L3MBTL4: variants seen among roughly 807,000 people sequenced by gnomAD.
L3MBTL4 encodes L3MBTL histone methyl-lysine binding protein 4.
A neutral mutation model predicts 84.5 loss-of-function variants in L3MBTL4; 70 were observed. The observed-to-expected ratio is 0.83, with a 90% CI of 0.68 to 1.01. The LOEUF (loss-of-function observed/expected upper bound fraction) is 1.01, where lower values mean the gene tolerates loss of function less well. Among genes scored for constraint, L3MBTL4 ranks in the 50% least tolerant of loss-of-function variants. The pLI is 0.00. For synonymous variants in L3MBTL4, 274 were observed against 259.8 expected (o/e 1.05, Z -0.52); for missense variants, 715 against 754.8 (o/e 0.95, Z 0.62).
chr18:6,046,063 A>G (rs572959052), intron 16 of L3MBTL4, among the ~76,000 whole-genome samples: 15 of 152,292 alleles, frequency 9.8e-5, no homozygotes, highest in African/African-American at 3.6e-4. Context: ...CAAGCAGGAA[A>G]CAAAAATAAT....
chr18:6,047,856 G>T (rs146037255), intron 16 of L3MBTL4, among the ~76,000 whole-genome samples: 8 of 152,292 alleles, frequency 5.3e-5, no homozygotes, highest in African/African-American at 1.7e-4. Context: ...AGGCAAAGAT[G>T]CCCACTCTCA....
At chr18:6,188,733 C>T (rs893695203) in intron 12 of L3MBTL4, among the ~76,000 whole-genome samples, 6 of 152,166 alleles carry the variant, frequency 3.9e-5, no homozygotes, top group Non-Finnish European at 5.9e-5. Context: ...CTGCCGAAAC[C>T]CCAGACCCTG....
At chr18:6,324,332 GAGA>G (rs2051597386) in intron 1 of L3MBTL4, among the ~76,000 whole-genome samples, 2 of 152,230 alleles carry the variant, frequency 1.3e-5, no homozygotes, top group Non-Finnish European at 2.9e-5. Flanking sequence ...GTGGAGCTAT[GAGA>G]AGAAGGCCAC....
chr18:6,244,631 C>T (rs759890042), intron 5 of L3MBTL4, 43 bp from the exon 6 acceptor site: 7 of 1,329,104 alleles, frequency 5.3e-6, no homozygotes, highest in Non-Finnish European at 7.6e-6. Flanking sequence ...GAGATTTCAT[C>T]ACAGTTTTAT....
intron 1 of L3MBTL4, among the ~76,000 whole-genome samples, chr18:6,376,561 C>T (rs1390304455): frequency 6.6e-6 from 1 of 151,868 alleles, no homozygotes; most frequent in African/African-American, 2.4e-5. Context: ...CTGGGGAGAC[C>T]CCATCTGTAC....
At chr18:6,179,371 AGAG>A (rs1445809534) in intron 12 of L3MBTL4, among the ~76,000 whole-genome samples, 1 of 152,164 alleles carries the variant, frequency 6.6e-6, no homozygotes, top group Non-Finnish European at 1.5e-5. Flanking sequence ...TTCATTCTAG[AGAG>A]GAGAACTGGG....
chr18:6,069,663 C>T (rs1355111797), intron 16 of L3MBTL4, among the ~76,000 whole-genome samples: 2 of 152,104 alleles, frequency 1.3e-5, no homozygotes, highest in African/African-American at 4.8e-5. Flanking sequence ...ACTGCCTCTT[C>T]TGCACAGAAG....
intron 13 of L3MBTL4, among the ~76,000 whole-genome samples, chr18:6,170,206 G>A (rs925518882): frequency 1.2e-4 from 19 of 152,074 alleles, no homozygotes; most frequent in African/African-American, 4.3e-4. Flanking sequence ...TTAACCACTA[G>A]TCTATACTGC....
At chr18:5,995,086 A>G (rs1182966331) in intron 16 of L3MBTL4, among the ~76,000 whole-genome samples, 1 of 152,276 alleles carries the variant, frequency 6.6e-6, no homozygotes, top group Non-Finnish European at 1.5e-5. Context: ...GAAAACAGAC[A>G]CACTCATAGC....
At chr18:6,236,854 A>C (rs2047236838) in intron 10 of L3MBTL4, among the ~76,000 whole-genome samples, 1 of 152,180 alleles carries the variant, frequency 6.6e-6, no homozygotes, top group Admixed American at 6.5e-5. Context: ...ATTTGATGAG[A>C]AGTCCTAATA....
chr18:6,073,059 AAAC>A (rs2057741050), intron 16 of L3MBTL4, among the ~76,000 whole-genome samples: 1 of 150,486 alleles, frequency 6.6e-6, no homozygotes, highest in South Asian at 2.1e-4. Context: ...ATAACAGAGA[AAAC>A]AAATGCACAC....
intron 17 of L3MBTL4, among the ~76,000 whole-genome samples, chr18:5,968,427 G>A (rs1486979630): frequency 6.6e-6 from 1 of 152,142 alleles, no homozygotes; most frequent in Non-Finnish European, 1.5e-5. Context: ...GCTAGGCAAG[G>A]TGGCTCCTGC....
At chr18:6,044,550 C>T (rs2056536029) in intron 16 of L3MBTL4, among the ~76,000 whole-genome samples, 1 of 152,134 alleles carries the variant, frequency 6.6e-6, no homozygotes, top group African/African-American at 2.4e-5. Flanking sequence ...GGTGTTGGTG[C>T]CAGTAGCCAG....
chr18:6,330,685 T>C (rs1311465022), intron 1 of L3MBTL4, among the ~76,000 whole-genome samples: 1 of 152,252 alleles, frequency 6.6e-6, no homozygotes, highest in Non-Finnish European at 1.5e-5. Flanking sequence ...ATCGACATCT[T>C]TGAGGGTCAA....
intron 12 of L3MBTL4, among the ~76,000 whole-genome samples, chr18:6,173,235 C>A (rs190543067): frequency 6.6e-6 from 1 of 152,182 alleles, no homozygotes; most frequent in African/African-American, 2.4e-5. Context: ...AACCATAAAA[C>A]TGGACATATG....
intron 4 of L3MBTL4, among the ~76,000 whole-genome samples, chr18:6,295,346 C>CTCTCTATATATATATA (rs1261475809): frequency 2.5e-5 from 2 of 81,380 alleles, no homozygotes; most frequent in African/African-American, 1.3e-4. Context: ...CTCTCTCTCT[C>CTCTCTATATATATATA]TATATATATA....
intron 14 of L3MBTL4, among the ~76,000 whole-genome samples, chr18:6,106,714 AC>A (rs1335029003): frequency 6.6e-6 from 1 of 152,228 alleles, no homozygotes; most frequent in Non-Finnish European, 1.5e-5. Context: ...ATATACACAT[AC>A]TAAAGCTGCA....
chr18:6,050,677 T>C (rs534856384), intron 16 of L3MBTL4, among the ~76,000 whole-genome samples: 2 of 150,276 alleles, frequency 1.3e-5, no homozygotes, highest in African/African-American at 5.1e-5. Context: ...GCTGCTGCTG[T>C]GAAGTGTATG....
At chr18:5,969,903 A>C (rs2052555455) in intron 16 of L3MBTL4, among the ~76,000 whole-genome samples, 1 of 152,206 alleles carries the variant, frequency 6.6e-6, no homozygotes, top group Non-Finnish European at 1.5e-5. Context: ...CAGAGGAATC[A>C]AGGAACCGTG....
Sources: allele counts gnomAD v4.1 joint callset (sites outside exome capture counted in the v4.1 genomes callset), GRCh38; gene constraint gnomAD v4.1.1; transcripts MANE v1.5; gene names NCBI Gene and HGNC (gene_info 2026-07-23, HGNC 2026-07-21).